EPB41L1: variants seen among roughly 807,000 people sequenced by gnomAD.
The protein encoded by EPB41L1 is erythrocyte membrane protein band 4.1 like 1.
In EPB41L1, 29 loss-of-function variants were observed where a neutral mutation model predicts 97.8. The observed-to-expected ratio is 0.30, with a 90% CI of 0.22 to 0.40. EPB41L1 has a LOEUF of 0.40. Among genes scored for constraint, EPB41L1 ranks in the 10% least tolerant of loss-of-function variants. The probability of loss-of-function intolerance (pLI) is 1.00; values close to 1 mark genes in which losing one functional copy is unlikely to be tolerated. For synonymous variants in EPB41L1, 383 were observed against 459.2 expected (o/e 0.83, Z 2.12); for missense variants, 812 against 1,162.3 (o/e 0.70, Z 4.38).
At chr20:36,213,180 T>C (rs548540731) in intron 16 of EPB41L1, among the ~76,000 whole-genome samples, 1 of 152,164 alleles carries the variant, frequency 6.6e-6, no homozygotes, top group Non-Finnish European at 1.5e-5. Context: ...GGCAGATCGC[T>C]TGAGCCCAGG....
At chr20:36,188,687 T>G in intron 9 of EPB41L1, among the ~76,000 whole-genome samples, 188 bp downstream of exon 9, 1 of 145,460 alleles carries the variant, frequency 6.9e-6, no homozygotes, top group Admixed American at 6.9e-5. Flanking sequence ...AATAAAAGTA[T>G]AACCACATAT....
At chr20:36,177,906 C>A in intron 3 of EPB41L1, 46 bp from the exon 4 acceptor site, 1 of 1,505,638 alleles carries the variant, frequency 6.6e-7, no homozygotes, top group South Asian at 1.1e-5. Context: ...CCAGCCTCGC[C>A]CCGGGGTGTG....
chr20:36,109,243 G>A (rs1273388986), intron 1 of EPB41L1, among the ~76,000 whole-genome samples: 2 of 152,124 alleles, frequency 1.3e-5, no homozygotes, highest in African/African-American at 4.8e-5. Context: ...CACTGCACCC[G>A]GCCGAGTTCA....
At chr20:36,135,017 C>T (rs2059366578) in intron 2 of EPB41L1, among the ~76,000 whole-genome samples, 1 of 151,910 alleles carries the variant, frequency 6.6e-6, no homozygotes, top group Non-Finnish European at 1.5e-5. Context: ...GTGCATGCGA[C>T]CACATCTGGC....
At chr20:36,185,832 G>C (rs531073718) in intron 7 of EPB41L1, among the ~76,000 whole-genome samples, 1 of 152,298 alleles carries the variant, frequency 6.6e-6, no homozygotes, top group Admixed American at 6.5e-5. Context: ...CACCCTGTAG[G>C]ATTGTTGGGA....
chr20:36,176,195 C>T (rs1424529343), intron 3 of EPB41L1, among the ~76,000 whole-genome samples: 2 of 152,212 alleles, frequency 1.3e-5, no homozygotes, highest in East Asian at 1.9e-4. Context: ...AAGCCCATCA[C>T]CACGTCACAG....
intron 2 of EPB41L1, among the ~76,000 whole-genome samples, chr20:36,134,814 G>A (rs1376674882): frequency 6.7e-6 from 1 of 148,564 alleles, no homozygotes; most frequent in Non-Finnish European, 1.5e-5. Flanking sequence ...GGGTGCCTAA[G>A]CATAATAAAT....
At position 36,198,072 on chromosome 20, in the gene EPB41L1, G is replaced by A. The variant is rs746985636; in HGVS notation, c.1668+31G>A. On this transcript the variant is annotated intron_variant, in intron 14 of 21. Coordinates refer to ENST00000338074, the MANE Select transcript of EPB41L1 (RefSeq NM_012156.2). ...TGTCGCCCTGAACCCCTCGATAGGG[G>A]CCTTGGGTAAAGAGACATTGGGTTG... 2.3e-5 allele frequency: 37 copies of A among 1,601,904 alleles called. 1 individual carries two copies. The highest frequency in any genetic ancestry group is 3.1e-5 in the Non-Finnish European group (36 of 1,171,326).
In EPB41L1 at chr20:36,209,578, C is replaced by G. The variant is rs778121556; in HGVS notation, c.1759C>G (p.Gln587Glu). Residue 587 changes from glutamine (Q) to glutamate (E), a missense_variant, in exon 15 of 22, where the codon CAG becomes GAG. By Grantham distance (29) the Gln-to-Glu change is conservative. Transcript: ENST00000338074. This position sits in a 1 kb window ranked among gnomAD's most constrained non-coding sequence, Gnocchi z 4.2. ...ESDTGDEDQD[Q>E]ERDTVFLKDN... ...TGACACAGGCGATGAGGACCAGGAC[C>G]AGGAGAGGGACACGGTGTTCCTGAA... is the stretch of plus-strand genomic sequence containing the variant. 1 of 1,614,130 alleles carries G rather than the reference C, an allele frequency of 6.2e-7. No homozygotes were observed. Among genetic ancestry groups the G allele is most frequent in the South Asian group, 1.1e-5 (1 of 91,078 alleles).
rs138319519 is a variant in EPB41L1 at position 36,123,381 on chromosome 20, G to A, written c.-10+10901G>A. On this transcript the variant is annotated intron_variant, in intron 2 of 19. Coordinates refer to the EPB41L1 transcript ENST00000202028. ...CTGCACCTCAGTTTCCCGATCTAAC[G>A]AGGAAGACACATGTCTTCCAGATCA... Among the ~76,000 whole-genome samples the A allele has an allele frequency of 3.3e-5, 5 of 152,258 alleles. No individual in the cohort carries two copies. The East Asian group carries it at 7.7e-4, about 23-fold the overall frequency.
At chr20:36,189,425 T>C (rs1321296444) in intron 9 of EPB41L1, among the ~76,000 whole-genome samples, 1 of 152,176 alleles carries the variant, frequency 6.6e-6, no homozygotes, top group Non-Finnish European at 1.5e-5. Context: ...ACCTATCCCT[T>C]GCCACACTGC....
chr20:36,204,449 C>T (rs889459013), intron 14 of EPB41L1, among the ~76,000 whole-genome samples: 14 of 147,436 alleles, frequency 9.5e-5, no homozygotes, highest in Admixed American at 3.4e-4. Flanking sequence ...GGGAGATGGC[C>T]TAACAGTGCT....
chr20:36,183,844 C>T (rs1047083123), intron 6 of EPB41L1, among the ~76,000 whole-genome samples: 5 of 152,116 alleles, frequency 3.3e-5, no homozygotes, highest in Non-Finnish European at 7.4e-5. Context: ...TGGCCCTGGG[C>T]GCACACTGAG....
At chr20:36,122,304 T>G (rs921056492) in intron 2 of EPB41L1, among the ~76,000 whole-genome samples, 1 of 152,198 alleles carries the variant, frequency 6.6e-6, no homozygotes, top group Admixed American at 6.5e-5. Flanking sequence ...AGGGCCGGCC[T>G]TTGTGCCAAA....
intron 2 of EPB41L1, among the ~76,000 whole-genome samples, chr20:36,136,718 T>C (rs867307647): frequency 3.3e-5 from 5 of 151,706 alleles, no homozygotes; most frequent in African/African-American, 1.2e-4. Context: ...CCTGAGTAGC[T>C]GGGGCTACAG....
chr20:36,104,220 G>A (rs995537438), intron 1 of EPB41L1, among the ~76,000 whole-genome samples: 2 of 152,150 alleles, frequency 1.3e-5, no homozygotes, highest in Non-Finnish European at 2.9e-5. Flanking sequence ...GTGACAACAG[G>A]CTAGAGGTGA....
rs542300404 is a variant in EPB41L1, at chr20:36,132,382, C to T, written c.-10+19902C>T. Among the ~76,000 whole-genome samples the T allele has an allele frequency of 4.6e-5, 7 of 152,136 alleles. No homozygotes were observed. In the East Asian group the frequency reaches 7.8e-4, roughly 17 times the overall value. On this transcript the variant is annotated intron_variant, in intron 2 of 19. Transcript: ENST00000202028. ...TCTGCCTCCGTCATCATATCTCCTC[C>T]GATTCCCCCAAATCCCCTTTTGACT...
chr20:36,152,290 T>C (rs1017587625), upstream of EPB41L1: 14 of 152,248 alleles, frequency 9.2e-5, no homozygotes, highest in African/African-American at 1.4e-4. Context: ...CTGAAGTGAA[T>C]TGAGCCCTTT....
chr20:36,193,007 A>T (rs1362392582), intron 11 of EPB41L1, among the ~76,000 whole-genome samples: 1 of 152,196 alleles, frequency 6.6e-6, no homozygotes, highest in Non-Finnish European at 1.5e-5. Context: ...GCTAGGGTTC[A>T]TCTGAGGCTG....
Sources: allele counts gnomAD v4.1 joint callset (sites outside exome capture counted in the v4.1 genomes callset), GRCh38; gene constraint gnomAD v4.1.1; non-coding constraint Gnocchi (gnomAD v3.1); transcripts MANE v1.5; gene names NCBI Gene and HGNC (gene_info 2026-07-23, HGNC 2026-07-21).